Variants in GNPTAB observed in about 807,000 individuals in gnomAD.
The protein encoded by GNPTAB is N-acetylglucosamine-1-phosphotransferase subunits alpha/beta.
In GNPTAB, 92 loss-of-function variants were observed where a neutral mutation model predicts 136.6. That is an observed-to-expected ratio of 0.67 (90% CI 0.57 to 0.80). The LOEUF is 0.80. Ranked by LOEUF, GNPTAB falls within the 30% of genes least tolerant of loss-of-function variation. The pLI, the probability that GNPTAB is intolerant of heterozygous loss-of-function variation, is 0.00. For missense variants in GNPTAB, 1,343 were observed against 1,501.8 expected (o/e 0.89, Z 1.75); for synonymous variants, 512 against 535.1 (o/e 0.96, Z 0.60).
intron 5 of GNPTAB, among the ~76,000 whole-genome samples, chr12:101,780,862 T>C (rs768687138): frequency 6.6e-6 from 1 of 152,210 alleles, no homozygotes; most frequent in Non-Finnish European, 1.5e-5. Flanking sequence ...GAATTCTTCA[T>C]GGGAGCAGTC....
At chr12:101,795,196 C>A (rs1324649285) in intron 2 of GNPTAB, among the ~76,000 whole-genome samples, 1 of 152,146 alleles carries the variant, frequency 6.6e-6, no homozygotes, top group Non-Finnish European at 1.5e-5. Context: ...GGTAGAAGTG[C>A]AAATTCTCAG....
At chr12:101,756,511 C>G (rs1952902892) in intron 18 of GNPTAB, 2 of 385,722 alleles carry the variant, frequency 5.2e-6, no homozygotes, top group Non-Finnish European at 1.0e-5. Flanking sequence ...GAGGTCGAGG[C>G]TACAGTGAGC....
intron 7 of GNPTAB, chr12:101,778,585 C>T (rs976216106): frequency 6.6e-6 from 1 of 152,162 alleles, no homozygotes; most frequent in Non-Finnish European, 1.5e-5. Flanking sequence ...TATAGCCAGG[C>T]ATTACAGTAT....
At chr12:101,796,279 T>C in intron 2 of GNPTAB, 1 of 702,446 alleles carries the variant, frequency 1.4e-6, no homozygotes, top group South Asian at 1.5e-5. Flanking sequence ...AGACAGAAAA[T>C]GCAATCATGC....
chr12:101,822,668 G>A (rs1315510334), intron 1 of GNPTAB, among the ~76,000 whole-genome samples: 1 of 152,158 alleles, frequency 6.6e-6, no homozygotes, highest in Non-Finnish European at 1.5e-5. Flanking sequence ...GCCTGTACTG[G>A]GAGAAGGAAC....
intron 1 of GNPTAB, among the ~76,000 whole-genome samples, chr12:101,808,471 G>A (rs1195307818): frequency 6.6e-6 from 1 of 152,028 alleles, no homozygotes; most frequent in Non-Finnish European, 1.5e-5. Context: ...GAACTCAGGA[G>A]GTGGAGGCTA....
Position 101,760,040 on chromosome 12 carries a change from T to A in GNPTAB, c.3239A>T (p.Asp1080Val). The A allele has an allele frequency of 1.3e-6, 2 of 1,598,884 alleles. No homozygotes were observed. The highest frequency in any genetic ancestry group is 1.7e-6 in the Non-Finnish European group (2 of 1,166,044). The change falls in exon 16 of 21, where the codon GAT becomes GTT. Residue 1080 changes from aspartate (D) to valine (V), a missense_variant. Asp to Val is a radical substitution (Grantham distance 152, BLOSUM62 -3). Transcript: ENST00000299314. ...NIPPTQESYYDPNLPPVTKSL... is the reference protein window; with the variant it reads ...NIPPTQESYYVPNLPPVTKSL... ...ACCCATTCCACTTACCAGGTTGGGA[T>A]CATAGTAGGATTCCTGAGTTGGTGG...
intron 16 of GNPTAB, among the ~76,000 whole-genome samples, 197 bp downstream of exon 16, chr12:101,759,833 C>T (rs1052789182): frequency 3.3e-5 from 5 of 152,206 alleles, no homozygotes; most frequent in Admixed American, 6.5e-5. Context: ...ATCCAAATTA[C>T]GCATCTATGG....
chr12:101,823,942 C>A (rs10860794), intron 1 of GNPTAB, among the ~76,000 whole-genome samples: 42,896 of 152,086 alleles, frequency 0.28, 6,588 homozygotes, highest in East Asian at 0.61. Context: ...CACAATGTCA[C>A]CAGTAAAGCC....
chr12:101,756,978 T>C, intron 18 of GNPTAB: 1 of 476,444 alleles, frequency 2.1e-6, no homozygotes, highest in South Asian at 3.1e-5. Flanking sequence ...TGGGTCTCTC[T>C]GAACAGCTTG....
chr12:101,772,323 C>T (rs1420578397), intron 7 of GNPTAB, among the ~76,000 whole-genome samples: 3 of 152,226 alleles, frequency 2.0e-5, no homozygotes, highest in African/African-American at 7.2e-5. Flanking sequence ...AAAGCAAACA[C>T]AAATTTTATT....
rs1394121391 is a variant in GNPTAB at position 101,761,701 on chromosome 12, T to C, written c.2778A>G (p.Gln926=). Residue 926 remains glutamine (Q), a synonymous_variant, in exon 14 of 21, where the codon CAA becomes CAG. Coordinates refer to ENST00000299314, the MANE Select transcript of GNPTAB (RefSeq NM_024312.5). ...YFTDSKNTGR[Q]LKDTFADSLR... ...GGGAATCTGCAAATGTATCTTTTAGTTGCCTCCCAGTATTTTTGCTATCAG... is the reference window on the plus strand; with the variant it reads ...GGGAATCTGCAAATGTATCTTTTAGCTGCCTCCCAGTATTTTTGCTATCAG... The C allele has an allele frequency of 6.2e-7, 1 of 1,614,034 alleles. No homozygotes were observed. The highest frequency in any genetic ancestry group is 8.5e-7 in the Non-Finnish European group (1 of 1,179,882).
intron 3 of GNPTAB, among the ~76,000 whole-genome samples, chr12:101,789,483 CTCTTT>C (rs1868856684): frequency 6.6e-6 from 1 of 151,978 alleles, no homozygotes. Flanking sequence ...TTGTTTTGTT[CTCTTT>C]TCTTTTTCTT....
At chr12:101,797,753 A>G (rs1869381829) in intron 1 of GNPTAB, among the ~76,000 whole-genome samples, 1 of 152,192 alleles carries the variant, frequency 6.6e-6, no homozygotes, top group Non-Finnish European at 1.5e-5. Flanking sequence ...TTTAGATAGA[A>G]GTTCCCTCAT....
intron 13 of GNPTAB, among the ~76,000 whole-genome samples, chr12:101,762,839 A>G (rs1953020653): frequency 1.4e-5 from 2 of 143,914 alleles, no homozygotes; most frequent in Non-Finnish European, 3.0e-5. Context: ...ACTTTCCTTT[A>G]TTTACTGTAT....
intron 1 of GNPTAB, among the ~76,000 whole-genome samples, chr12:101,801,637 C>G (rs1043687478): frequency 2.0e-5 from 3 of 150,512 alleles, no homozygotes; most frequent in Non-Finnish European, 4.4e-5. Context: ...ACAGATGAGA[C>G]TTCCCCTTCC....
At position 101,765,628 on chromosome 12, in the gene GNPTAB, T is replaced by G. The variant is rs1459621644; in HGVS notation, c.1613-324A>C. 11 of 375,248 alleles carry G rather than the reference T, an allele frequency of 2.9e-5. No homozygotes were observed. The Admixed American group carries it at 3.0e-4, about 10-fold the overall frequency. The allele number at this position is 375,248 out of a possible 1,614,324, so 23.2% of individuals were successfully genotyped here. ...GGCAGTCACAATAATTACCATGAAA[T>G]AGTGATCCTGACTCACTATAGAGAT... is the stretch of plus-strand genomic sequence containing the variant. On this transcript the variant is annotated intron_variant, in intron 12 of 20. Transcript: ENST00000299314.
chr12:101,795,956 G>C, intron 2 of GNPTAB: 1 of 355,082 alleles, frequency 2.8e-6, no homozygotes, highest in African/African-American at 2.1e-5. Flanking sequence ...CTTGTGAAGA[G>C]GAAAAAAAAA....
intron 1 of GNPTAB, among the ~76,000 whole-genome samples, chr12:101,799,997 T>A (rs1869522723): frequency 6.6e-6 from 1 of 152,254 alleles, no homozygotes; most frequent in East Asian, 1.9e-4. Flanking sequence ...TTGTTCTGAC[T>A]TGTTTCCATA....
Sources: gnomAD v4.1 joint callset for allele counts (sites outside exome capture counted in the v4.1 genomes callset) on GRCh38, gnomAD v4.1.1 for gene constraint, MANE v1.5 for transcripts, NCBI Gene and HGNC (gene_info 2026-07-23, HGNC 2026-07-21) for gene names.